Variants in NBAS observed in about 807,000 individuals in gnomAD.
The protein encoded by NBAS is NAG/BC035112 fusion.
Under a neutral mutation model 302.5 loss-of-function variants are expected in NBAS, and 219 were observed. The ratio of observed to expected loss-of-function variants is 0.72; its 90% CI spans 0.65 to 0.81. The LOEUF is 0.81. Among genes scored for constraint, NBAS ranks in the 30% least tolerant of loss-of-function variants. The pLI is 0.00. For synonymous variants in NBAS, 1,118 were observed against 1,021.6 expected (o/e 1.09, Z -1.80); for missense variants, 2,932 against 2,841.6 (o/e 1.03, Z -0.72).
rs144045894 is a variant in NBAS at position 15,407,626 on chromosome 2, G to A, written c.2938-5325C>T. On this transcript the variant is annotated intron_variant, in intron 25 of 51. Coordinates refer to ENST00000281513, the MANE Select transcript of NBAS (RefSeq NM_015909.4). The stretch of plus-strand genomic sequence containing the variant: ...TTAAACCACAAGGAGATGTTGCTAC[G>A]TACACAGCAGAATGAGCAAAATTTT... Among the ~76,000 whole-genome samples the A allele has an allele frequency of 2.9e-3, 448 of 152,284 alleles. 2 individuals carry two copies. The highest frequency in any genetic ancestry group is 0.01 in the African/African-American group (416 of 41,560).
chr2:15,190,342 T>G lies in NBAS; in HGVS notation c.6494A>C (p.Glu2165Ala). The G allele has an allele frequency of 6.2e-7, 1 of 1,613,990 alleles. No homozygotes were observed. ...AAATTCAGCCTCGTGGTGACTAGATTCCAGGAGTTCCATGAATAGACAGTA... is the reference window on the plus strand; with the variant it reads ...AAATTCAGCCTCGTGGTGACTAGATGCCAGGAGTTCCATGAATAGACAGTA... ...NRYCLFMELLESSHHEAEFQH... is the reference protein window; with the variant it reads ...NRYCLFMELLASSHHEAEFQH... The change falls in exon 49 of 52, where the codon GAA becomes GCA. Residue 2165 changes from glutamate (E) to alanine (A), a missense_variant. Physicochemically the swap from Glu to Ala is moderately radical, Grantham distance 107. Transcript: ENST00000281513.
At chr2:15,144,193 T>C in the NBAS span, among the ~76,000 whole-genome samples, 3 of 151,610 alleles carry the variant, frequency 2.0e-5, no homozygotes, top group African/African-American at 4.8e-5. Flanking sequence ...ACACACAGTG[T>C]CAAAAGACAA....
the NBAS span, among the ~76,000 whole-genome samples, chr2:15,034,270 AAGAAAGAG>A: frequency 3.6e-3 from 362 of 100,780 alleles, 13 homozygotes; most frequent in South Asian, 4.6e-3. Context: ...GAAAGAAAGA[AAGAAAGAG>A]AGAAAGAAAG....
chr2:15,235,240 A>G (rs758729738), intron 45 of NBAS, among the ~76,000 whole-genome samples: 12 of 152,212 alleles, frequency 7.9e-5, no homozygotes, highest in Admixed American at 2.6e-4. Context: ...TTTTTAAATT[A>G]GCTGCATGTT....
chr2:14,854,383 G>T, the NBAS span, among the ~76,000 whole-genome samples: 1 of 151,900 alleles, frequency 6.6e-6, no homozygotes, highest in Non-Finnish European at 1.5e-5. Context: ...AATAGAAAGT[G>T]CCATCAACCC....
chr2:15,193,608 G>A (rs1401602389), intron 48 of NBAS, among the ~76,000 whole-genome samples: 1 of 151,938 alleles, frequency 6.6e-6, no homozygotes, highest in Non-Finnish European at 1.5e-5. Flanking sequence ...AAATTCTGGT[G>A]AATTTTGAAT....
the NBAS span, among the ~76,000 whole-genome samples, chr2:14,977,552 G>A: frequency 3.0e-3 from 452 of 152,318 alleles, 1 homozygote; most frequent in African/African-American, 0.011. Flanking sequence ...CTTCTGAACT[G>A]TACAGCATCA....
At chr2:15,474,375 T>A in intron 14 of NBAS, 51 bp from the exon 15 acceptor site, 1 of 1,488,764 alleles carries the variant, frequency 6.7e-7, no homozygotes, top group Non-Finnish European at 9.1e-7. Flanking sequence ...TAAGAATAAC[T>A]TTTTAGAATT....
chr2:15,182,569 C>T (rs532275202), intron 50 of NBAS, among the ~76,000 whole-genome samples: 157 of 152,320 alleles, frequency 1.0e-3, no homozygotes, highest in African/African-American at 3.6e-3. Context: ...CGGTGACTAA[C>T]CCATGTTTCG....
the NBAS span, among the ~76,000 whole-genome samples, chr2:14,796,975 A>C: frequency 2.0e-5 from 3 of 149,282 alleles, no homozygotes; most frequent in South Asian, 4.2e-4. Flanking sequence ...CTGCAGTTCC[A>C]GCTACTCTGG....
the NBAS span, among the ~76,000 whole-genome samples, chr2:15,076,365 G>C: frequency 6.6e-6 from 1 of 152,324 alleles, no homozygotes; most frequent in East Asian, 1.9e-4. Context: ...ATGCAAACCA[G>C]TGTGCCCTTT....
chr2:14,836,208 C>T, the NBAS span, among the ~76,000 whole-genome samples: 10 of 151,810 alleles, frequency 6.6e-5, no homozygotes, highest in Admixed American at 5.9e-4. Flanking sequence ...TTGTTATTTA[C>T]ATGTACTCTC....
chr2:15,523,271 G>A (rs1427328625), intron 9 of NBAS, among the ~76,000 whole-genome samples: 1 of 152,124 alleles, frequency 6.6e-6, no homozygotes, highest in Non-Finnish European at 1.5e-5. Context: ...TGCTCAGTCA[G>A]CCTTCCATAG....
chr2:14,991,818 G>A, the NBAS span, among the ~76,000 whole-genome samples: 209 of 152,284 alleles, frequency 1.4e-3, 3 homozygotes, highest in African/African-American at 4.9e-3. Flanking sequence ...AAAGTTTGAG[G>A]AGCACTGTTC....
chr2:14,867,485 C>T, the NBAS span, among the ~76,000 whole-genome samples: 1 of 152,156 alleles, frequency 6.6e-6, no homozygotes, highest in African/African-American at 2.4e-5. Context: ...CTTTATTTGG[C>T]AAGGTCTGTA....
At chr2:15,307,854 C>T (rs1381328997) in intron 40 of NBAS, among the ~76,000 whole-genome samples, 2 of 152,124 alleles carry the variant, frequency 1.3e-5, no homozygotes, top group South Asian at 2.1e-4. Context: ...AATTATGTTG[C>T]CTACTTTCCT....
chr2:15,476,802 G>A (rs1322102137), intron 13 of NBAS, among the ~76,000 whole-genome samples: 2 of 152,144 alleles, frequency 1.3e-5, no homozygotes, highest in African/African-American at 4.8e-5. Flanking sequence ...TAATTTTACT[G>A]TACATTTTTT....
At chr2:15,406,114 A>AC (rs1269829612) in intron 25 of NBAS, among the ~76,000 whole-genome samples, 7 of 146,988 alleles carry the variant, frequency 4.8e-5, no homozygotes, top group East Asian at 1.9e-4. Context: ...AAAAAAAAAA[A>AC]ACAAAACAAA....
the NBAS span, among the ~76,000 whole-genome samples, chr2:15,120,662 A>T: frequency 6.6e-6 from 1 of 152,198 alleles, no homozygotes; most frequent in Non-Finnish European, 1.5e-5. Context: ...CTCTTTTGGC[A>T]TTCTGCCCAT....
Sources: gnomAD v4.1 joint callset for allele counts (sites outside exome capture counted in the v4.1 genomes callset) on GRCh38, gnomAD v4.1.1 for gene constraint, MANE v1.5 for transcripts, NCBI Gene and HGNC (gene_info 2026-07-23, HGNC 2026-07-21) for gene names.